TXNRD1: variants seen among roughly 807,000 people sequenced by gnomAD.
The protein encoded by TXNRD1 is thioredoxin reductase 1, cytoplasmic.
In TXNRD1, 57 loss-of-function variants were observed where a neutral mutation model predicts 80.3. The observed-to-expected ratio is 0.71, with a 90% CI of 0.57 to 0.89. TXNRD1 has a LOEUF of 0.89. Ranked by LOEUF, TXNRD1 falls within the 40% of genes least tolerant of loss-of-function variation. The pLI, the probability that TXNRD1 is intolerant of heterozygous loss-of-function variation, is 0.00. For synonymous variants in TXNRD1, 291 were observed against 285.2 expected, an observed-to-expected ratio of 1.02 and a Z score of -0.20; for missense variants, 730 against 803.0, an observed-to-expected ratio of 0.91 and a Z score of 1.10.
intron 3 of TXNRD1, chr12:104,286,586 GTT>G (rs78816548): frequency 4.6e-3 from 1,422 of 311,310 alleles, no homozygotes; most frequent in Non-Finnish European, 5.9e-3. Context: ...CACCTTTGGA[GTT>G]TTTTTTTTTT....
At position 104,319,455 on chromosome 12, in the gene TXNRD1, T is replaced by A; in HGVS notation, c.874-15T>A. Reference sequence around the variant, plus strand: ...ATGATTACTTAATAAGGTTTTCATATTGGTTCCTTTGTAGGCAACAAATAA... The same window carrying A: ...ATGATTACTTAATAAGGTTTTCATAATGGTTCCTTTGTAGGCAACAAATAA... On this transcript the variant is annotated splice_polypyrimidine_tract_variant and intron_variant, in intron 8 of 16. Coordinates refer to ENST00000525566, the MANE Select transcript of TXNRD1 (RefSeq NM_001093771.3). The A allele has an allele frequency of 2.0e-6, 3 of 1,502,188 alleles. No individual in the cohort carries two copies. Among genetic ancestry groups the A allele is most frequent in the Non-Finnish European group, 1.8e-6 (2 of 1,100,728 alleles). 93.1% of individuals were successfully genotyped at this position (1,502,188 alleles called of 1,614,324 possible).
chr12:104,327,492 T>C (rs746827776), intron 12 of TXNRD1, 23 bp from the exon 13 acceptor site: 5 of 1,596,870 alleles, frequency 3.1e-6, no homozygotes, highest in African/African-American at 1.3e-5. Context: ...TTAATGATGA[T>C]TTTTAACTGA....
intron 9 of TXNRD1, among the ~76,000 whole-genome samples, chr12:104,320,196 A>G (rs1042349110): frequency 2.6e-5 from 4 of 152,246 alleles, no homozygotes; most frequent in African/African-American, 7.2e-5. Flanking sequence ...GGAGCTTTCA[A>G]TTATGAAGTC....
intron 3 of TXNRD1, among the ~76,000 whole-genome samples, chr12:104,259,985 G>T (rs2033331197): frequency 3.3e-5 from 5 of 152,192 alleles, no homozygotes; most frequent in Admixed American, 2.0e-4. Flanking sequence ...CAGCAAGGGA[G>T]ATATTCTCTA....
intron 3 of TXNRD1, among the ~76,000 whole-genome samples, chr12:104,278,639 C>G (rs561454773): frequency 1.3e-5 from 2 of 150,596 alleles, no homozygotes; most frequent in African/African-American, 2.4e-5. Flanking sequence ...GTAGCTGGGA[C>G]TATAGGTGCA....
intron 4 of TXNRD1, chr12:104,303,651 G>GCTGGTCTATGAGCGAGCGCC (rs2034737681): frequency 2.4e-6 from 1 of 420,388 alleles, no homozygotes; most frequent in Non-Finnish European, 4.2e-6. Context: ...CGAGCGCCTC[G>GCTGGTCTATGAGCGAGCGCC]GCTTGTGGCT....
chr12:104,261,557 G>A (rs1026077753), intron 3 of TXNRD1, among the ~76,000 whole-genome samples: 8 of 152,104 alleles, frequency 5.3e-5, no homozygotes, highest in South Asian at 4.1e-4. Context: ...GGGGAGGTGC[G>A]GTGACTGAAA....
intron 1 of TXNRD1, among the ~76,000 whole-genome samples, chr12:104,219,145 G>A (rs113065228): frequency 0.016 from 2,475 of 152,044 alleles, 42 homozygotes; most frequent in South Asian, 0.073. Context: ...GTCTCACTAA[G>A]CAACAGCCCC....
intron 1 of TXNRD1, among the ~76,000 whole-genome samples, chr12:104,223,972 G>C (rs1265385387): frequency 3.9e-5 from 6 of 152,338 alleles, no homozygotes; most frequent in Admixed American, 2.0e-4. Context: ...ATATATGTGA[G>C]ATTGTTTCTT....
At chr12:104,323,321 C>T (rs1211544054) in intron 10 of TXNRD1, among the ~76,000 whole-genome samples, 1 of 150,988 alleles carries the variant, frequency 6.6e-6, no homozygotes, top group East Asian at 2.0e-4. Context: ...CTGTTGGGCA[C>T]ACCTCCCAGA....
chr12:104,314,870 T>C (rs1406293245), intron 6 of TXNRD1, among the ~76,000 whole-genome samples: 2 of 151,706 alleles, frequency 1.3e-5, no homozygotes, highest in Admixed American at 6.6e-5. Context: ...GCCTCCTTAG[T>C]AGCTGGGATT....
At chr12:104,269,961 T>C (rs754718307) in intron 3 of TXNRD1, among the ~76,000 whole-genome samples, 4 of 152,066 alleles carry the variant, frequency 2.6e-5, no homozygotes, top group African/African-American at 9.7e-5. Flanking sequence ...CAATCCTACG[T>C]TGGCCTCCCA....
chr12:104,348,228 C>A, intron 16 of TXNRD1, 125 bp from the exon 17 acceptor site: 1 of 778,552 alleles, frequency 1.3e-6, no homozygotes, highest in Non-Finnish European at 2.2e-6. Flanking sequence ...CATACTACTT[C>A]TCTGTTTTAT....
At chr12:104,345,559 C>T (rs895895363) in intron 16 of TXNRD1, among the ~76,000 whole-genome samples, 5 of 152,172 alleles carry the variant, frequency 3.3e-5, no homozygotes, top group South Asian at 2.1e-4. Context: ...ATGCATTTGC[C>T]GTATTCAGTG....
At chr12:104,319,130 A>G (rs2035437595) in intron 8 of TXNRD1, 75 bp downstream of exon 8, 2 of 1,491,236 alleles carry the variant, frequency 1.3e-6, no homozygotes, top group African/African-American at 1.4e-5. Flanking sequence ...AGAAAATGTT[A>G]AAGTATTATA....
chr12:104,313,527 G>T (rs532584887), intron 6 of TXNRD1, among the ~76,000 whole-genome samples: 50 of 152,162 alleles, frequency 3.3e-4, no homozygotes, highest in Non-Finnish European at 6.3e-4. Context: ...GAGTCAAGAA[G>T]TAAGAACCCT....
chr12:104,227,398 A>AC (rs2135679635), intron 1 of TXNRD1, among the ~76,000 whole-genome samples: 1 of 152,042 alleles, frequency 6.6e-6, no homozygotes, highest in African/African-American at 2.4e-5. Flanking sequence ...AGTAGCTATG[A>AC]CCACAGGTGA....
In TXNRD1 at chr12:104,254,644, A is replaced by AAAAATAT; in HGVS notation, c.243+2967_243+2968insAAATATA. The stretch of plus-strand genomic sequence containing the variant: ...CTATGTCTATGGAAAAAAAAAAAAA[A>AAAAATAT]ATATATATATATATATATATATCAG... On this transcript the variant is annotated intron_variant, in intron 2 of 16. Coordinates refer to ENST00000525566, the MANE Select transcript of TXNRD1 (RefSeq NM_001093771.3). 3.3e-3 allele frequency among the ~76,000 whole-genome samples: 307 copies of AAAAATAT among 93,590 alleles called. 14 individuals carry two copies. Among genetic ancestry groups the AAAAATAT allele is most frequent in the African/African-American group, 0.015 (285 of 19,350 alleles). The allele number at this position is 93,590 out of a possible 152,430, so 61.4% of individuals were successfully genotyped here. A position where few individuals can be genotyped will look rare whatever the true frequency, so the allele number is the denominator to read the frequency against.
chr12:104,317,806 C>T (rs1565899127), intron 7 of TXNRD1, among the ~76,000 whole-genome samples: 1 of 152,210 alleles, frequency 6.6e-6, no homozygotes, highest in Non-Finnish European at 1.5e-5. Flanking sequence ...CACCACTGCA[C>T]TCCAGCCTGG....
Sources: gnomAD v4.1 joint callset for allele counts (sites outside exome capture counted in the v4.1 genomes callset) on GRCh38, gnomAD v4.1.1 for gene constraint, MANE v1.5 for transcripts, NCBI Gene and HGNC (gene_info 2026-07-23, HGNC 2026-07-21) for gene names.